Variants in CAMK4 observed in about 807,000 individuals in gnomAD.
CAMK4 encodes the protein calcium/calmodulin dependent protein kinase IV, also known as calcium/calmodulin-dependent protein kinase type IV.
A neutral mutation model predicts 44.9 loss-of-function variants in CAMK4; 22 were observed. That is an observed-to-expected ratio of 0.49 (90% confidence interval 0.35 to 0.70). The LOEUF (loss-of-function observed/expected upper bound fraction) is 0.70, where lower values mean the gene tolerates loss of function less well. CAMK4 is among the 30% of genes least tolerant of loss of function. CAMK4 has a pLI of 0.01. For synonymous variants in CAMK4, 218 were observed against 215.4 expected (o/e 1.01, Z -0.11); for missense variants, 498 against 586.8 (o/e 0.85, Z 1.56).
At chr5:111,248,576 T>G (rs767127255) in intron 1 of CAMK4, among the ~76,000 whole-genome samples, 1 of 152,200 alleles carries the variant, frequency 6.6e-6, no homozygotes, top group Non-Finnish European at 1.5e-5. Context: ...TTATTTGTTT[T>G]GTTTTACTGT....
In CAMK4 at chr5:111,359,236, T is replaced by G. The variant is rs940881905; in HGVS notation, c.240+15134T>G. Among the ~76,000 whole-genome samples, 2 of 35,660 alleles carry G rather than the reference T, an allele frequency of 5.6e-5. 1 individual carries two copies. Among genetic ancestry groups the G allele is most frequent in the Non-Finnish European group, 1.4e-4 (2 of 14,110 alleles). The allele number at this position is 35,660 out of a possible 152,430, so 23.4% of individuals were successfully genotyped here. A position where few individuals can be genotyped will look rare whatever the true frequency, so the allele number is the denominator to read the frequency against. ...CCACAACCTTACCAGCATCTGTGAT[T>G]TTTTTGACTAATAGTAACCATTGTG... On this transcript the variant is annotated intron_variant, in intron 2 of 10. Transcript: ENST00000282356.
intron 7 of CAMK4, among the ~76,000 whole-genome samples, chr5:111,452,613 T>C (rs1233301046): frequency 3.7e-4 from 56 of 152,224 alleles, no homozygotes; most frequent in Non-Finnish European, 5.9e-5. Flanking sequence ...ATCTATCTAC[T>C]TTTTTAAAAT....
chr5:111,324,641 A>T (rs1359729216), intron 1 of CAMK4, among the ~76,000 whole-genome samples: 1 of 152,060 alleles, frequency 6.6e-6, no homozygotes, highest in Non-Finnish European at 1.5e-5. Context: ...TTGTTAGAAC[A>T]AGTGAACAAA....
Position 111,492,904 on chromosome 5 carries a change from C to G in CAMK4, c.*8438C>G, listed in dbSNP as rs1561525116. Reference sequence around the variant, plus strand: ...GGAAAGAGGGAAAAGCTCCCTTTTGCCAGGAATGATGAAGGAAAGCTTTAT... The same window carrying G: ...GGAAAGAGGGAAAAGCTCCCTTTTGGCAGGAATGATGAAGGAAAGCTTTAT... On this transcript the variant is annotated 3_prime_UTR_variant, in exon 11 of 11. Coordinates refer to ENST00000282356, the MANE Select transcript of CAMK4 (RefSeq NM_001744.6). 1 of 152,064 alleles carries G rather than the reference C, an allele frequency of 6.6e-6. No individual in the cohort carries two copies. 9.4% of individuals were successfully genotyped at this position (152,064 alleles called of 1,614,324 possible). A position where few individuals can be genotyped will look rare whatever the true frequency, so the allele number is the denominator to read the frequency against.
intron 1 of CAMK4, among the ~76,000 whole-genome samples, chr5:111,331,594 T>G (rs937775150): frequency 1.3e-5 from 2 of 151,728 alleles, no homozygotes; most frequent in African/African-American, 4.8e-5. Flanking sequence ...TCTATTCTTT[T>G]GCCTTTGTTA....
At chr5:111,278,382 T>G (rs1350350869) in intron 1 of CAMK4, among the ~76,000 whole-genome samples, 1 of 152,004 alleles carries the variant, frequency 6.6e-6, no homozygotes, top group Non-Finnish European at 1.5e-5. Context: ...GCTTGTTTGT[T>G]TTTTTTACAG....
At chr5:111,330,376 G>T (rs1749112996) in intron 1 of CAMK4, among the ~76,000 whole-genome samples, 1 of 151,590 alleles carries the variant, frequency 6.6e-6, no homozygotes, top group East Asian at 1.9e-4. Context: ...CACTGTAAAT[G>T]GATTGGAGGA....
intron 1 of CAMK4, among the ~76,000 whole-genome samples, chr5:111,226,383 C>T (rs1028274455): frequency 7.9e-5 from 12 of 152,190 alleles, no homozygotes; most frequent in African/African-American, 2.9e-4. Context: ...TTACGTGTTG[C>T]AGTAAATTTT....
chr5:111,373,691 G>T (rs1751100388), intron 2 of CAMK4, among the ~76,000 whole-genome samples: 1 of 152,070 alleles, frequency 6.6e-6, no homozygotes, highest in Non-Finnish European at 1.5e-5. Context: ...CCCATTTGAA[G>T]CAGTCTCTTG....
chr5:111,317,898 T>TAAAAAAAAAAAAAAAAAAAAAAAAAAAA, intron 1 of CAMK4, among the ~76,000 whole-genome samples: 1 of 69,816 alleles, frequency 1.4e-5, no homozygotes, highest in Non-Finnish European at 2.6e-5. Context: ...GAGTAATATG[T>TAAAAAAAAAAAAAAAAAAAAAAAAAAAA]AAAAAAAAAA....
chr5:111,416,173 A>T (rs1427687023), intron 5 of CAMK4, among the ~76,000 whole-genome samples: 5 of 152,168 alleles, frequency 3.3e-5, no homozygotes, highest in Admixed American at 2.6e-4. Flanking sequence ...ATATACCAAA[A>T]TAATTTCCAG....
intron 7 of CAMK4, among the ~76,000 whole-genome samples, chr5:111,461,333 G>C (rs935102437): frequency 6.6e-6 from 1 of 152,194 alleles, no homozygotes; most frequent in Admixed American, 6.5e-5. Context: ...ACCCCCTCTG[G>C]AAGTCTCAGG....
rs200566906 is a variant in CAMK4, at chr5:111,460,265, C to CTTTTTTTTTT, written c.625+11067_625+11068insTTTTTTTTTT. On this transcript the variant is annotated intron_variant, in intron 7 of 10. Transcript: ENST00000282356. ...TAATGTTTTTCTTTTCTTTTCTTTT[C>CTTTTTTTTTT]TTTTTCTTTTTTTTTTTTTTGAGGC... Among the ~76,000 whole-genome samples the CTTTTTTTTTT allele has an allele frequency of 2.4e-4, 29 of 122,710 alleles. 3 individuals are homozygous for CTTTTTTTTTT. The highest frequency in any genetic ancestry group is 2.5e-4 in the Non-Finnish European group (15 of 59,860). The allele number at this position is 122,710 out of a possible 152,430, so 80.5% of individuals were successfully genotyped here. A position where few individuals can be genotyped will look rare whatever the true frequency, so the allele number is the denominator to read the frequency against.
chr5:111,485,705 AC>A lies in CAMK4; in HGVS notation c.*1240del. The A allele has an allele frequency of 6.6e-6, 1 of 152,306 alleles. No individual in the cohort carries two copies. Among genetic ancestry groups the A allele is most frequent in the Admixed American group, 6.5e-5 (1 of 15,298 alleles). 9.4% of individuals were successfully genotyped at this position (152,306 alleles called of 1,614,324 possible). A position where few individuals can be genotyped will look rare whatever the true frequency, so the allele number is the denominator to read the frequency against. On this transcript the variant is annotated 3_prime_UTR_variant, in exon 11 of 11. Transcript: ENST00000282356. ...CAATGCAATTTATTTACCTTAAAAA[AC>A]AAACAAAAACAAAAATAAAGAAAAA...
At chr5:111,350,895 A>G (rs1250656630) in intron 2 of CAMK4, among the ~76,000 whole-genome samples, 4 of 152,096 alleles carry the variant, frequency 2.6e-5, no homozygotes, top group Admixed American at 2.0e-4. Context: ...GCATTTGAGT[A>G]TATAACTATG....
intron 5 of CAMK4, among the ~76,000 whole-genome samples, chr5:111,412,482 G>C (rs1386300065): frequency 6.6e-6 from 1 of 152,094 alleles, no homozygotes; most frequent in East Asian, 1.9e-4. Flanking sequence ...CAATATACTG[G>C]AAGGACAAAA....
At chr5:111,428,854 A>G (rs1325698114) in intron 5 of CAMK4, among the ~76,000 whole-genome samples, 3 of 152,228 alleles carry the variant, frequency 2.0e-5, no homozygotes, top group Non-Finnish European at 4.4e-5. Flanking sequence ...CAAGGAGGTT[A>G]TAGAATACCA....
intron 9 of CAMK4, among the ~76,000 whole-genome samples, chr5:111,480,500 G>A (rs1755399614): frequency 6.6e-6 from 1 of 152,062 alleles, no homozygotes; most frequent in Admixed American, 6.5e-5. Flanking sequence ...GCAGGACAAA[G>A]CGTGTGTACC....
At chr5:111,343,734 T>G (rs968699278) in intron 1 of CAMK4, among the ~76,000 whole-genome samples, 2 of 151,802 alleles carry the variant, frequency 1.3e-5, no homozygotes, top group African/African-American at 2.4e-5. Flanking sequence ...CCTGAGGACC[T>G]GATTTATTCC....
Sources: allele counts gnomAD v4.1 joint callset (sites outside exome capture counted in the v4.1 genomes callset), GRCh38; gene constraint gnomAD v4.1.1; transcripts MANE v1.5; gene names NCBI Gene and HGNC (gene_info 2026-07-23, HGNC 2026-07-21).